The following IL12RB2 variants were observed in gnomAD, a reference collection of about 807,000 sequenced individuals.
IL12RB2 encodes interleukin 12 receptor subunit beta 2, also known as interleukin-12 receptor subunit beta-2.
In IL12RB2, 82 loss-of-function variants were observed where a neutral mutation model predicts 89.4. The observed-to-expected ratio is 0.92, with a 90% confidence interval of 0.77 to 1.10. The LOEUF is 1.10. IL12RB2 is among the 50% of genes least tolerant of loss of function. The pLI, the probability that IL12RB2 is intolerant of heterozygous loss-of-function variation, is 0.00. For synonymous variants in IL12RB2, 368 were observed against 370.1 expected, an observed-to-expected ratio of 0.99 and a Z score of 0.07; for missense variants, 963 against 1,031.9, an observed-to-expected ratio of 0.93 and a Z score of 0.92.
At chr1:67,357,751 A>AGCC (rs1219826923) in intron 10 of IL12RB2, among the ~76,000 whole-genome samples, 1 of 152,244 alleles carries the variant, frequency 6.6e-6, no homozygotes, top group Non-Finnish European at 1.5e-5. Context: ...CAGCTAACTC[A>AGCC]GCCGATGGGA....
At chr1:67,381,216 T>A (rs1664532495) in intron 14 of IL12RB2, among the ~76,000 whole-genome samples, 1 of 152,114 alleles carries the variant, frequency 6.6e-6, no homozygotes, top group Admixed American at 6.5e-5. Flanking sequence ...AAACTCAGAT[T>A]TGAGTTGCTT....
At chr1:67,310,413 ATTGT>A (rs1654893844) in intron 1 of IL12RB2, among the ~76,000 whole-genome samples, 1 of 152,138 alleles carries the variant, frequency 6.6e-6, no homozygotes, top group Non-Finnish European at 1.5e-5. Flanking sequence ...CGAAGTCAAA[ATTGT>A]TTGGGAAAAT....
intron 10 of IL12RB2, among the ~76,000 whole-genome samples, chr1:67,355,373 C>T (rs1461324965): frequency 1.4e-5 from 2 of 147,844 alleles, no homozygotes; most frequent in Non-Finnish European, 3.0e-5. Flanking sequence ...AAGATCATGC[C>T]ACTTGTACTC....
Position 67,321,740 on chromosome 1 carries a change from A to C in IL12RB2, c.215A>C (p.Lys72Thr). Residue 72 changes from lysine to threonine, a missense_variant, in exon 4 of 17, where the codon AAG (lysine) becomes ACG (threonine). Coordinates refer to ENST00000674203, the MANE Select transcript of IL12RB2 (RefSeq NM_001374259.2). Reference sequence around the variant, plus strand: ...AGACGTAACAAGTTAATCCTGTACAAGTTTGACAGAAGAATCAATTTTCAC... The same window carrying C: ...AGACGTAACAAGTTAATCCTGTACACGTTTGACAGAAGAATCAATTTTCAC... ...YSRRNKLILY[K>T]FDRRINFHHG... is the part of the protein sequence containing the mutation. 2.5e-6 allele frequency: 4 copies of C among 1,613,180 alleles called. No individual in the cohort carries two copies. The highest frequency in any genetic ancestry group is 3.4e-6 in the Non-Finnish European group (4 of 1,179,168).
At chr1:67,320,298 T>C (rs1302902237) in intron 2 of IL12RB2, 35 bp from the exon 3 acceptor site, 9 of 1,612,510 alleles carry the variant, frequency 5.6e-6, no homozygotes, top group Non-Finnish European at 7.6e-6. Context: ...TTTCTGAACA[T>C]ATTTAACATG....
At chr1:67,390,987 T>A (rs1024211429) in intron 16 of IL12RB2, among the ~76,000 whole-genome samples, 20 of 151,960 alleles carry the variant, frequency 1.3e-4, no homozygotes, top group African/African-American at 4.1e-4. Context: ...TGGTCCATAG[T>A]CCCAACCTCC....
chr1:67,393,774 G>A (rs186997613), intron 16 of IL12RB2, among the ~76,000 whole-genome samples: 197 of 152,288 alleles, frequency 1.3e-3, no homozygotes, highest in Non-Finnish European at 2.4e-3. Flanking sequence ...TTGGACAAAT[G>A]AGAGAACTGA....
chr1:67,331,838 CATAAATAAATAAATAA>C (rs72150017), intron 8 of IL12RB2, among the ~76,000 whole-genome samples: 1 of 151,476 alleles, frequency 6.6e-6, no homozygotes, highest in Non-Finnish European at 1.5e-5. Flanking sequence ...GACTGCATCT[CATAAATAAATAAATAA>C]ATAAATAAAT....
At chr1:67,387,239 A>G (rs1429642876) in intron 15 of IL12RB2, among the ~76,000 whole-genome samples, 1 of 151,826 alleles carries the variant, frequency 6.6e-6, no homozygotes, top group Non-Finnish European at 1.5e-5. Context: ...CTATTCTATT[A>G]TAGATGTCTG....
At chr1:67,387,150 G>C (rs952439410) in intron 15 of IL12RB2, among the ~76,000 whole-genome samples, 7 of 150,602 alleles carry the variant, frequency 4.6e-5, no homozygotes, top group African/African-American at 1.7e-4. Flanking sequence ...GACTGGTCCC[G>C]AACTCCTGAC....
Position 67,398,397 on chromosome 1 carries a change from C to T in IL12RB2, c.*2308C>T. On this transcript the variant is annotated 3_prime_UTR_variant, in exon 17 of 17. Transcript: ENST00000674203. ...TCTCAGCCACTATTCTCCTCCCCTC[C>T]CTTGTGTCTACAACACCCCATTTTA... Among the ~76,000 whole-genome samples the T allele has an allele frequency of 6.6e-6, 1 of 152,018 alleles. No homozygotes were observed.
At chr1:67,369,098 TC>T (rs1216887450) in intron 11 of IL12RB2, among the ~76,000 whole-genome samples, 3 of 152,186 alleles carry the variant, frequency 2.0e-5, no homozygotes. Flanking sequence ...CATGAGTCCA[TC>T]CTTAACTGTG....
At chr1:67,376,329 C>A (rs904059473) in intron 13 of IL12RB2, among the ~76,000 whole-genome samples, 4 of 152,196 alleles carry the variant, frequency 2.6e-5, no homozygotes, top group African/African-American at 4.8e-5. Context: ...CTGAATACCA[C>A]TCTACGCTTT....
At chr1:67,365,337 A>G (rs190781955) in intron 10 of IL12RB2, among the ~76,000 whole-genome samples, 2 of 152,286 alleles carry the variant, frequency 1.3e-5, no homozygotes, top group East Asian at 3.9e-4. Context: ...AGATAAATTA[A>G]TGAAACCAAA....
intron 8 of IL12RB2, among the ~76,000 whole-genome samples, chr1:67,334,542 G>A (rs890903617): frequency 6.6e-6 from 1 of 152,154 alleles, no homozygotes; most frequent in Non-Finnish European, 1.5e-5. Context: ...GCAGTGGTGC[G>A]ATCTCGGCTC....
intron 8 of IL12RB2, among the ~76,000 whole-genome samples, chr1:67,335,645 T>C (rs1658668025): frequency 6.6e-6 from 1 of 152,198 alleles, no homozygotes; most frequent in South Asian, 2.1e-4. Context: ...GCTTTTTTTT[T>C]CTCATGTGCC....
intron 10 of IL12RB2, among the ~76,000 whole-genome samples, chr1:67,353,042 G>A (rs573759743): frequency 1.3e-5 from 2 of 152,324 alleles, no homozygotes; most frequent in African/African-American, 2.4e-5. Flanking sequence ...GCTTAAAAAT[G>A]TAAGTACGAA....
intron 4 of IL12RB2, among the ~76,000 whole-genome samples, chr1:67,324,134 A>G (rs1329307337): frequency 1.3e-5 from 2 of 152,240 alleles, no homozygotes; most frequent in African/African-American, 4.8e-5. Flanking sequence ...GTGTATATGC[A>G]AAAGTATACA....
chr1:67,345,192 C>T (rs920872817), intron 9 of IL12RB2, among the ~76,000 whole-genome samples: 1 of 152,066 alleles, frequency 6.6e-6, no homozygotes, highest in Non-Finnish European at 1.5e-5. Context: ...AGAAAGAAAA[C>T]TCTTAGTTCC....
Sources: gnomAD v4.1 joint callset for allele counts (sites outside exome capture counted in the v4.1 genomes callset) on GRCh38, gnomAD v4.1.1 for gene constraint, MANE v1.5 for transcripts, NCBI Gene and HGNC (gene_info 2026-07-23, HGNC 2026-07-21) for gene names.